SCN9A: variants seen among roughly 807,000 people sequenced by gnomAD.
SCN9A encodes the protein sodium voltage-gated channel alpha subunit 9.
Under a neutral mutation model 187.0 loss-of-function variants are expected in SCN9A, and 131 were observed. That is an observed-to-expected ratio of 0.70 (90% CI 0.61 to 0.81). The LOEUF is 0.81. Ranked by LOEUF, SCN9A falls within the 30% of genes least tolerant of loss-of-function variation. The pLI, the probability that SCN9A is intolerant of heterozygous loss-of-function variation, is 0.00. For synonymous variants in SCN9A, 809 were observed against 808.6 expected (o/e 1.00, Z -0.01); for missense variants, 2,252 against 2,396.6 (o/e 0.94, Z 1.26).
At chr2:166,204,606 T>G in intron 24 of SCN9A, 142 bp from the exon 25 acceptor site, 1 of 470,822 alleles carries the variant, frequency 2.1e-6, no homozygotes, top group Non-Finnish European at 3.7e-6. Context: ...ATACATAAAA[T>G]ATATCTTAAA....
At position 166,281,719 on chromosome 2, in the gene SCN9A, T is replaced by C; in HGVS notation, c.2064A>G (p.Arg688=). The change falls in exon 13 of 27, where the codon AGA becomes AGG. Residue 688 remains arginine (R), a synonymous_variant. Coordinates refer to ENST00000642356, the MANE Select transcript of SCN9A (RefSeq NM_001365536.1). ...DMLNDPNLRQ[R]AMSRASILTN... is the part of the protein sequence containing the mutation. ...TTAATATGCTTGCTCTACTCATTGC[T>C]CTCTGTCTGAGGTTGGGATCATTCA... The C allele has an allele frequency of 6.2e-7, 1 of 1,613,402 alleles. No homozygotes were observed. The highest frequency in any genetic ancestry group is 1.3e-5 in the African/African-American group (1 of 75,032).
intron 17 of SCN9A, among the ~76,000 whole-genome samples, chr2:166,263,967 T>C (rs190627994): frequency 6.6e-6 from 1 of 152,126 alleles, no homozygotes; most frequent in African/African-American, 2.4e-5. Flanking sequence ...CCTCCAGAAC[T>C]GGCAAAAGAA....
intron 17 of SCN9A, among the ~76,000 whole-genome samples, chr2:166,260,847 A>G (rs1172850957): frequency 6.6e-6 from 1 of 151,912 alleles, no homozygotes; most frequent in Admixed American, 6.6e-5. Context: ...AAATAAGATT[A>G]TACAGGTAGA....
intron 16 of SCN9A, 55 bp downstream of exon 16, chr2:166,276,928 A>G: frequency 7.0e-7 from 1 of 1,437,968 alleles, no homozygotes; most frequent in East Asian, 2.3e-5. Context: ...AGATCACATC[A>G]TCACAAAATA....
chr2:166,306,012 G>A (rs1698744105), intron 4 of SCN9A, 92 bp from the exon 5 acceptor site: 2 of 1,469,280 alleles, frequency 1.4e-6, no homozygotes, highest in African/African-American at 2.8e-5. Flanking sequence ...TTAACCACTG[G>A]AAGACATATA....
chr2:166,371,037 C>A (rs1349307088), intron 1 of SCN9A, among the ~76,000 whole-genome samples: 1 of 151,956 alleles, frequency 6.6e-6, no homozygotes, highest in Non-Finnish European at 1.5e-5. Context: ...CTTGACATAA[C>A]AAGAGGAAAT....
chr2:166,200,918 G>A (rs1259932437), intron 26 of SCN9A, among the ~76,000 whole-genome samples: 1 of 152,176 alleles, frequency 6.6e-6, no homozygotes, highest in Non-Finnish European at 1.5e-5. Context: ...TTATAGGCGT[G>A]AGCCACAGTG....
At position 166,222,945 on chromosome 2, in the gene SCN9A, C is replaced by CAAAAAAAAAAAAAAAAAAAAAAA. The variant is rs1309168684; in HGVS notation, c.4398+3599_4398+3621dup. On this transcript the variant is annotated intron_variant, in intron 24 of 26. Coordinates refer to ENST00000642356, the MANE Select transcript of SCN9A (RefSeq NM_001365536.1). ...AACTCCGTCTCAAAAAAAAAAACAA[C>CAAAAAAAAAAAAAAAAAAAAAAA]AAAAAAAAAAAAAAAAAAAAAAAAA... is the stretch of plus-strand genomic sequence containing the variant. 2.0e-3 allele frequency among the ~76,000 whole-genome samples: 90 copies of CAAAAAAAAAAAAAAAAAAAAAAA among 44,940 alleles called. 10 individuals carry two copies. Among genetic ancestry groups the CAAAAAAAAAAAAAAAAAAAAAAA allele is most frequent in the South Asian group, 3.5e-3 (3 of 864 alleles). 29.5% of individuals were successfully genotyped at this position (44,940 alleles called of 152,430 possible).
At position 166,229,114 on chromosome 2, in the gene SCN9A, T is replaced by A. The variant is rs1358169202; in HGVS notation, c.3925-142A>T. Reference sequence around the variant, plus strand: ...GACATCAAACCAACCAGCCGACTCATGTTTATTAAATGCCTACTCTACACT... The same window carrying A: ...GACATCAAACCAACCAGCCGACTCAAGTTTATTAAATGCCTACTCTACACT... On this transcript the variant is annotated intron_variant, in intron 21 of 26. Transcript: ENST00000642356. 4 of 630,180 alleles carry A rather than the reference T, an allele frequency of 6.3e-6. No homozygotes were observed. The Admixed American group carries it at 1.2e-4, about 19-fold the overall frequency. The allele number at this position is 630,180 out of a possible 1,614,324, so 39.0% of individuals were successfully genotyped here. A position where few individuals can be genotyped will look rare whatever the true frequency, so the allele number is the denominator to read the frequency against.
chr2:166,289,848 A>C (rs922325926), intron 9 of SCN9A, among the ~76,000 whole-genome samples: 1 of 152,162 alleles, frequency 6.6e-6, no homozygotes, highest in Non-Finnish European at 1.5e-5. Flanking sequence ...AACTGGCATG[A>C]GATGGTATCT....
At chr2:166,348,065 C>T (rs1474962087) in intron 1 of SCN9A, among the ~76,000 whole-genome samples, 1 of 152,134 alleles carries the variant, frequency 6.6e-6, no homozygotes, top group Non-Finnish European at 1.5e-5. Flanking sequence ...GTAGGTTCTT[C>T]CAGCTTCTCT....
At chr2:166,212,485 G>A (rs183720681) in intron 24 of SCN9A, among the ~76,000 whole-genome samples, 1 of 152,144 alleles carries the variant, frequency 6.6e-6, no homozygotes, top group East Asian at 1.9e-4. Flanking sequence ...ATGTAAATAC[G>A]TAAAGCAATC....
intron 1 of SCN9A, among the ~76,000 whole-genome samples, chr2:166,343,256 G>T (rs1237132552): frequency 6.6e-6 from 1 of 151,898 alleles, no homozygotes; most frequent in African/African-American, 2.4e-5. Flanking sequence ...AAAGAAAACA[G>T]AAGTAAAGGC....
chr2:166,205,293 G>A (rs1693743877), intron 24 of SCN9A: 1 of 152,190 alleles, frequency 6.6e-6, no homozygotes, highest in Admixed American at 6.5e-5. Context: ...AAAACAGCAT[G>A]GTACTGGTAC....
rs1297406734 is a variant in SCN9A, at chr2:166,199,270, T to A, written c.5369A>T (p.Asp1790Val). ...CTCTATAAACTGGGTCGCATCGGGA[T>A]CAAACTTCTCCCAAACCTCATAGAA... ...EMFYEVWEKF[D>V]PDATQFIEFS... The change falls in exon 27 of 27, where the codon GAT becomes GTT. Residue 1790 changes from aspartate to valine, a missense_variant. Coordinates refer to ENST00000642356, the MANE Select transcript of SCN9A (RefSeq NM_001365536.1). The A allele has an allele frequency of 1.2e-6, 2 of 1,614,006 alleles. No individual in the cohort carries two copies. Among genetic ancestry groups the A allele is most frequent in the East Asian group, 4.5e-5 (2 of 44,874 alleles).
chr2:166,215,250 T>C (rs973934425), intron 24 of SCN9A, among the ~76,000 whole-genome samples: 1 of 151,590 alleles, frequency 6.6e-6, no homozygotes, highest in Non-Finnish European at 1.5e-5. Context: ...TTGGGATCAA[T>C]GACAATGGAA....
intron 10 of SCN9A, among the ~76,000 whole-genome samples, chr2:166,287,861 G>C (rs1452401687): frequency 6.6e-6 from 1 of 151,100 alleles, no homozygotes; most frequent in African/African-American, 2.4e-5. Flanking sequence ...CCATAGAAGA[G>C]TATCTGTTAA....
intron 20 of SCN9A, among the ~76,000 whole-genome samples, chr2:166,235,436 G>A (rs1212600360): frequency 6.6e-6 from 1 of 152,062 alleles, no homozygotes; most frequent in African/African-American, 2.4e-5. Context: ...AATCAGACAA[G>A]TCCATTCTCT....
intron 20 of SCN9A, 90 bp from the exon 21 acceptor site, chr2:166,233,552 C>T (rs1414005878): frequency 1.0e-6 from 1 of 975,520 alleles, no homozygotes; most frequent in Non-Finnish European, 1.5e-6. Flanking sequence ...AAAAGCAACT[C>T]AACAGGAACA....
Sources: allele counts gnomAD v4.1 joint callset (sites outside exome capture counted in the v4.1 genomes callset), GRCh38; gene constraint gnomAD v4.1.1; transcripts MANE v1.5; gene names NCBI Gene and HGNC (gene_info 2026-07-23, HGNC 2026-07-21).